WDR90: variants seen among roughly 807,000 people sequenced by gnomAD.
The protein encoded by WDR90 is WD repeat domain 90.
Under a neutral mutation model 195.2 loss-of-function variants are expected in WDR90, and 238 were observed. That is an observed-to-expected ratio of 1.22 (90% CI 1.10 to 1.36). The LOEUF (loss-of-function observed/expected upper bound fraction) is 1.36. WDR90 is among the 40% of genes most tolerant of loss of function. The pLI is 0.00. For missense variants in WDR90, 2,734 were observed against 2,439.5 expected (o/e 1.12, Z -2.54); for synonymous variants, 1,265 against 1,052.4 (o/e 1.20, Z -3.91).
At chr16:665,416 T>C (rs1342944325) in intron 34 of WDR90, 1 of 594,680 alleles carries the variant, frequency 1.7e-6, no homozygotes, top group African/African-American at 1.9e-5. Context: ...GTCTTTGAGG[T>C]GCTGTCAGAA....
chr16:656,971 C>T (rs1415945712), intron 19 of WDR90, 100 bp downstream of exon 19: 20 of 1,553,166 alleles, frequency 1.3e-5, no homozygotes, highest in Non-Finnish European at 1.7e-5. Context: ...CTGGCTGGAG[C>T]CCCACCCTTT....
chr16:650,749 C>A (rs1295423292), intron 5 of WDR90, 40 bp downstream of exon 5: 1 of 1,591,614 alleles, frequency 6.3e-7, no homozygotes, highest in South Asian at 1.1e-5. Flanking sequence ...ATATCTCACC[C>A]ATGCTCTCAG....
chr16:651,621 TG>T, intron 7 of WDR90, 22 bp from the exon 8 acceptor site: 1 of 1,608,976 alleles, frequency 6.2e-7, no homozygotes. Flanking sequence ...CCTGGGTCAC[TG>T]GGGTTCTTTG....
Position 656,339 on chromosome 16 carries a change from C to T in WDR90, c.2004C>T (p.Pro668=), listed in dbSNP as rs1407999055. The stretch of plus-strand genomic sequence containing the variant: ...CCGTCAGCTCAGTCTGTGTCAGCCC[C>T]GATGGCCTCCGTGTGCTGTCTGCCA... The part of the protein sequence containing the change: ...EGPVSSVCVS[P]DGLRVLSATS... Residue 668 remains proline (P), a synonymous_variant, in exon 18 of 41, where the codon CCC becomes CCT. Transcript: ENST00000293879. 21 of 1,609,372 alleles carry T rather than the reference C, an allele frequency of 1.3e-5. No individual in the cohort carries two copies. The highest frequency in any genetic ancestry group is 5.3e-5 in the African/African-American group (4 of 74,862).
rs543051859 is a variant in WDR90 at position 654,942 on chromosome 16, C to T, written c.1438-87C>T. On this transcript the variant is annotated intron_variant, in intron 13 of 40. Transcript: ENST00000293879. ...TGGTCTCCGCATGAGAGAAAAGCCA[C>T]CTCCGGGTGGGGCTCGGCTGGGCCT... 7.3e-6 allele frequency: 10 copies of T among 1,375,052 alleles called. No individual in the cohort carries two copies. The South Asian group carries it at 1.2e-4, about 17-fold the overall frequency. 85.2% of individuals were successfully genotyped at this position (1,375,052 alleles called of 1,614,324 possible). A position where few individuals can be genotyped will look rare whatever the true frequency, so the allele number is the denominator to read the frequency against.
chr16:661,654 C>A lies in WDR90; in HGVS notation c.3731C>A (p.Ser1244Tyr). Residue 1244 changes from serine to tyrosine, a missense_variant, in exon 31 of 41, where the codon TCC (serine) becomes TAC (tyrosine). Ser to Tyr is a moderately radical substitution (Grantham distance 144). Coordinates refer to ENST00000293879, the MANE Select transcript of WDR90 (RefSeq NM_145294.5). ...LWGTATYDLV[S>Y]STRLPEPVHG... ...GGCACGGCCACCTATGACCTCGTGT[C>A]CTCCACCCGCCTCCCGGAGCCGGTG... 6.2e-7 allele frequency: 1 copy of A among 1,610,290 alleles called. No individual in the cohort carries two copies. The highest frequency in any genetic ancestry group is 8.5e-7 in the Non-Finnish European group (1 of 1,178,890).
Position 659,304 on chromosome 16 carries a change from C to T in WDR90, c.3112C>T (p.Gln1038Ter). The T allele has an allele frequency of 6.2e-7, 1 of 1,601,324 alleles. No individual in the cohort carries two copies. The highest frequency in any genetic ancestry group is 8.5e-7 in the Non-Finnish European group (1 of 1,174,884). ...ASRASELPRQ[Q>*]VPKPCQASPP... ...CAGGGCCAGCGAGCTCCCCCGGCAG[C>T]AGGTCCCCAAGCCATGTCAGGCATC... The change falls in exon 26 of 41, where the codon CAG becomes TAG. Residue 1038 changes from glutamine (Q) to a stop codon, truncating the protein, a stop_gained. Transcript: ENST00000293879. LOFTEE classifies it high-confidence loss of function.
chr16:664,478 G>A (rs905079449), intron 34 of WDR90, among the ~76,000 whole-genome samples: 6 of 152,172 alleles, frequency 3.9e-5, no homozygotes, highest in Admixed American at 2.6e-4. Context: ...TCCTGAGACC[G>A]TGACCTGAGC....
rs369989086 is a variant in WDR90, at chr16:655,356, G to A, written c.1606G>A (p.Gly536Arg). The A allele has an allele frequency of 1.3e-5, 21 of 1,601,856 alleles. No homozygotes were observed. The highest frequency in any genetic ancestry group is 2.2e-5 in the East Asian group (1 of 44,812). Residue 536 changes from glycine to arginine, a missense_variant, in exon 15 of 41, where the codon GGG becomes AGG. Transcript: ENST00000293879. ...TGTGCGGCTCTGGCGGCTGCGTGGC[G>A]GGGTGCTGCGTTCCTGCCCCGTGGA... ...GSVRLWRLRGGVLRSCPVDLG... is the reference protein window; with the variant it reads ...GSVRLWRLRGRVLRSCPVDLG...
chr16:658,480 C>T (rs754897532), intron 22 of WDR90, 45 bp from the exon 23 acceptor site: 2 of 1,588,356 alleles, frequency 1.3e-6, no homozygotes, highest in South Asian at 1.1e-5. Context: ...AGGCTGCTGG[C>T]CACTCTCCTG....
chr16:667,633 C>A lies in WDR90; in HGVS notation c.*44C>A. ...GTGGTGGGCATCACGCCTGGTCATG[C>A]CAGGCACCTGGACACAGGCTTGGCA... On this transcript the variant is annotated 3_prime_UTR_variant, in exon 41 of 41. Transcript: ENST00000293879. The A allele has an allele frequency of 1.9e-6, 3 of 1,598,710 alleles. No individual in the cohort carries two copies. In the South Asian group the frequency reaches 3.3e-5, roughly 18 times the overall value.
chr16:666,704 C>A lies in WDR90; in HGVS notation c.4916C>A (p.Ala1639Asp). The part of the protein sequence containing the change: ...TQGHLPPSLA[A>D]FCPWDGALLM... ...GGCCACCTGCCACCCTCCCTCGCTG[C>A]CTTCTGCCCTTGGGATGGGGCGCTC... The change falls in exon 39 of 41, where the codon GCC becomes GAC. Residue 1639 changes from alanine to aspartate, a missense_variant. Transcript: ENST00000293879. 6.2e-7 allele frequency: 1 copy of A among 1,612,848 alleles called. No individual in the cohort carries two copies. Among genetic ancestry groups the A allele is most frequent in the South Asian group, 1.1e-5 (1 of 91,082 alleles).
Position 651,271 on chromosome 16 carries a change from G to C in WDR90, c.736+5G>C, listed in dbSNP as rs1017871019. On this transcript the variant is annotated splice_donor_5th_base_variant and intron_variant, in intron 7 of 40. Coordinates refer to ENST00000293879, the MANE Select transcript of WDR90 (RefSeq NM_145294.5). ...GCTGTTCCCCTCCTGAGGCAGGTGG[G>C]TCTGGGGGGTCAGCGGGGACCCAGG... The C allele has an allele frequency of 6.2e-7, 1 of 1,612,864 alleles. No individual in the cohort carries two copies. Among genetic ancestry groups the C allele is most frequent in the African/African-American group, 1.3e-5 (1 of 74,930 alleles).
chr16:652,557 C>T (rs941974257), intron 10 of WDR90, 22 bp downstream of exon 10: 10 of 1,591,522 alleles, frequency 6.3e-6, no homozygotes, highest in Middle Eastern at 3.4e-4. Context: ...GCGGCTGTGT[C>T]CAGAGCAGCT....
upstream of WDR90, chr16:649,356 G>T: frequency 7.6e-7 from 1 of 1,321,444 alleles, no homozygotes. Flanking sequence ...GCCTGGCGTC[G>T]CGGGGCGTAC....
At position 651,903 on chromosome 16, in the gene WDR90, C is replaced by A. The variant is rs199867382; in HGVS notation, c.917C>A (p.Ala306Glu). Reference protein sequence around the residue: ...LSQERSDASNADGPGFHSLEP... With the variant: ...LSQERSDASNEDGPGFHSLEP... ...CAAGAGCGCTCAGACGCCTCCAACG[C>A]GGATGGCCCCGGTTTCCATAGCCTT... The change falls in exon 9 of 41, where the codon GCG becomes GAG. Residue 306 changes from alanine (A) to glutamate (E), a missense_variant. Coordinates refer to ENST00000293879, the MANE Select transcript of WDR90 (RefSeq NM_145294.5). 1.2e-6 allele frequency: 2 copies of A among 1,610,868 alleles called. No individual in the cohort carries two copies. Among genetic ancestry groups the A allele is most frequent in the African/African-American group, 1.3e-5 (1 of 74,922 alleles).
At chr16:663,659 G>A (rs933247971) in intron 34 of WDR90, 1 of 152,478 alleles carries the variant, frequency 6.6e-6, no homozygotes, top group Non-Finnish European at 1.4e-5. Flanking sequence ...CAGCCTCCTG[G>A]TGCTGGAGCT....
At chr16:664,601 T>C (rs1342314532) in intron 34 of WDR90, among the ~76,000 whole-genome samples, 1 of 152,112 alleles carries the variant, frequency 6.6e-6, no homozygotes, top group African/African-American at 2.4e-5. Context: ...CGTTTCCTTG[T>C]AGGGCCCAGG....
At position 660,645 on chromosome 16, in the gene WDR90, C is replaced by T; in HGVS notation, c.3322C>T (p.Leu1108=). ...TCPPPASGGW[L]RLKAVVGYSG... Reference sequence around the variant, plus strand: ...CCCGCCTCCCGCCAGCGGTGGGTGGCTGCGTCTGAAGGCTGTCGTCGGTTA... The same window carrying T: ...CCCGCCTCCCGCCAGCGGTGGGTGGTTGCGTCTGAAGGCTGTCGTCGGTTA... The change falls in exon 28 of 41, where the codon CTG becomes TTG. Residue 1108 remains leucine, a synonymous_variant. Coordinates refer to ENST00000293879, the MANE Select transcript of WDR90 (RefSeq NM_145294.5). The T allele has an allele frequency of 1.3e-6, 2 of 1,579,620 alleles. No homozygotes were observed. The highest frequency in any genetic ancestry group is 1.7e-6 in the Non-Finnish European group (2 of 1,163,790).
Sources: allele counts gnomAD v4.1 joint callset (sites outside exome capture counted in the v4.1 genomes callset), GRCh38; gene constraint gnomAD v4.1.1; transcripts MANE v1.5; gene names NCBI Gene and HGNC (gene_info 2026-07-23, HGNC 2026-07-21).